Variants in APLF observed in about 807,000 individuals in gnomAD.
The protein encoded by APLF is aprataxin and PNK-like factor.
APLF carries 61 observed loss-of-function variants against 55.6 expected under a neutral mutation model. The observed-to-expected ratio is 1.10, with a 90% CI of 0.89 to 1.36. The LOEUF (loss-of-function observed/expected upper bound fraction) is 1.36, where lower values mean the gene tolerates loss of function less well. Among genes scored for constraint, APLF ranks in the 40% most tolerant of loss-of-function variants. The pLI is 0.00. For synonymous variants in APLF, 207 were observed against 214.8 expected, an observed-to-expected ratio of 0.96 and a Z score of 0.32; for missense variants, 611 against 602.5, an observed-to-expected ratio of 1.01 and a Z score of -0.15.
chr2:68,536,714 A>C (rs1349653028), intron 6 of APLF, among the ~76,000 whole-genome samples: 1 of 152,194 alleles, frequency 6.6e-6, no homozygotes, highest in Non-Finnish European at 1.5e-5. Context: ...TCAAAACTTT[A>C]TTAAGACAAA....
chr2:68,536,395 T>G (rs1670387408), intron 6 of APLF, among the ~76,000 whole-genome samples: 1 of 152,200 alleles, frequency 6.6e-6, no homozygotes, highest in African/African-American at 2.4e-5. Context: ...CTATTGAATA[T>G]TAGGTCATGT....
chr2:68,509,971 A>G (rs1313344885), intron 3 of APLF, among the ~76,000 whole-genome samples: 2 of 151,326 alleles, frequency 1.3e-5, no homozygotes, highest in Non-Finnish European at 3.0e-5. Flanking sequence ...CGCAAGGACA[A>G]AAAACCAAAC....
intron 9 of APLF, among the ~76,000 whole-genome samples, chr2:68,572,889 T>C (rs910720002): frequency 1.1e-4 from 17 of 152,144 alleles, no homozygotes; most frequent in African/African-American, 3.9e-4. Context: ...TTTTTCTCCA[T>C]GCAAAATCAA....
Position 68,512,525 on chromosome 2 carries a change from A to G in APLF, c.342-555A>G, listed in dbSNP as rs563792574. 4.6e-5 allele frequency among the ~76,000 whole-genome samples: 7 copies of G among 151,930 alleles called. No homozygotes were observed. In the East Asian group the frequency reaches 7.8e-4, roughly 17 times the overall value. On this transcript the variant is annotated intron_variant, in intron 3 of 9. Transcript: ENST00000303795. ...ACTGCATATTGCAGAAGTATGAGGT[A>G]ATTGGTTCTGCTGGCATGTCCCACA...
intron 9 of APLF, among the ~76,000 whole-genome samples, chr2:68,569,151 C>T (rs1466959449): frequency 2.0e-5 from 3 of 152,050 alleles, no homozygotes; most frequent in African/African-American, 7.2e-5. Context: ...TTCACATATT[C>T]CTTTGTTGAA....
At chr2:68,568,366 A>G (rs1671363204) in intron 9 of APLF, 11 of 942,448 alleles carry the variant, frequency 1.2e-5, no homozygotes, top group Non-Finnish European at 1.4e-5. Flanking sequence ...TGATGAAAGT[A>G]AATGATTTCA....
chr2:68,509,654 ATG>A (rs777509316), intron 3 of APLF, among the ~76,000 whole-genome samples: 6 of 151,966 alleles, frequency 3.9e-5, no homozygotes, highest in Non-Finnish European at 8.8e-5. Context: ...GTGGAAGACA[ATG>A]TGGCGATTCC....
chr2:68,533,575 G>A (rs1670314934), intron 6 of APLF, among the ~76,000 whole-genome samples: 1 of 152,052 alleles, frequency 6.6e-6, no homozygotes, highest in South Asian at 2.1e-4. Context: ...CATGTTTTTG[G>A]TGTCAGCTGG....
At chr2:68,501,034 A>C (rs1483503309) in intron 2 of APLF, among the ~76,000 whole-genome samples, 2 of 152,242 alleles carry the variant, frequency 1.3e-5, no homozygotes, top group Non-Finnish European at 2.9e-5. Flanking sequence ...AATATTGCAT[A>C]AATCACACTG....
chr2:68,565,351 C>T (rs1017897219), intron 8 of APLF, among the ~76,000 whole-genome samples: 2 of 151,906 alleles, frequency 1.3e-5, no homozygotes, highest in Non-Finnish European at 2.9e-5. Flanking sequence ...CCTAGCTGTA[C>T]TCAAGAGGCT....
In APLF at chr2:68,529,249, G is replaced by T. The variant is rs373013891; in HGVS notation, c.804+3007G>T. ...TAAGACACAGCCTCATAAGGGTGCC[G>T]TCCCACCTGCCTGGAAAAGAAGGCC... On this transcript the variant is annotated intron_variant, in intron 6 of 9. Coordinates refer to ENST00000303795, the MANE Select transcript of APLF (RefSeq NM_173545.3). This position sits in a 1 kb window ranked among gnomAD's most constrained non-coding sequence, Gnocchi z 4.4. The T allele has an allele frequency of 1.2e-5, 15 of 1,279,112 alleles. No individual in the cohort carries two copies. Among genetic ancestry groups the T allele is most frequent in the African/African-American group, 1.5e-5 (1 of 66,410 alleles). 79.2% of individuals were successfully genotyped at this position (1,279,112 alleles called of 1,614,324 possible).
intron 1 of APLF, among the ~76,000 whole-genome samples, chr2:68,481,122 G>A (rs1675936898): frequency 6.6e-6 from 1 of 152,136 alleles, no homozygotes; most frequent in Non-Finnish European, 1.5e-5. Flanking sequence ...GGTAATACTG[G>A]CTTCATGTAA....
Position 68,502,755 on chromosome 2 carries a change from C to T in APLF, c.193C>T (p.Gln65Ter). Residue 65 changes from glutamine to a stop codon, truncating the protein, a stop_gained, in exon 3 of 10, where the codon CAG becomes TAG. Coordinates refer to ENST00000303795, the MANE Select transcript of APLF (RefSeq NM_173545.3). LOFTEE classifies it high-confidence loss of function. ...GATACACACAAATCCATGTTTTTACCAGTCTTCAGAGAAGAGTCAGCTCTT... is the reference window on the plus strand; with the variant it reads ...GATACACACAAATCCATGTTTTTACTAGTCTTCAGAGAAGAGTCAGCTCTT... ...KPIHTNPCFY[Q>*]SSEKSQLLPL... is the part of the protein sequence containing the mutation. 1 of 1,536,924 alleles carries T rather than the reference C, an allele frequency of 6.5e-7. No individual in the cohort carries two copies. Among genetic ancestry groups the T allele is most frequent in the Non-Finnish European group, 8.7e-7 (1 of 1,150,376 alleles).
At chr2:68,508,370 G>A (rs1480898527) in intron 3 of APLF, among the ~76,000 whole-genome samples, 1 of 151,792 alleles carries the variant, frequency 6.6e-6, no homozygotes, top group African/African-American at 2.4e-5. Flanking sequence ...GGAAAGAATG[G>A]TCTTTTCAAC....
chr2:68,576,692 A>G (rs560573496), intron 9 of APLF, among the ~76,000 whole-genome samples: 71 of 152,282 alleles, frequency 4.7e-4, no homozygotes, highest in African/African-American at 1.7e-3. Flanking sequence ...GGTTAAAAGG[A>G]CAGATACATT....
rs1013891268 is a variant in APLF at position 68,471,864 on chromosome 2, G to A, written c.96+4037G>A. On this transcript the variant is annotated intron_variant, in intron 1 of 9. Transcript: ENST00000303795. ...AGCCAAATATGAGTGACCATGGCCC[G>A]TGACACAGCCCTCAGGAGGTCCTGA... Among the ~76,000 whole-genome samples, 5 of 152,054 alleles carry A rather than the reference G, an allele frequency of 3.3e-5. No individual in the cohort carries two copies. In the East Asian group the frequency reaches 5.8e-4, roughly 18 times the overall value.
chr2:68,572,097 A>G (rs1343549871), intron 9 of APLF, among the ~76,000 whole-genome samples: 1 of 139,624 alleles, frequency 7.2e-6, no homozygotes, highest in Non-Finnish European at 1.5e-5. Flanking sequence ...AAAGAAAACT[A>G]TTAAGGAGGC....
Position 68,529,340 on chromosome 2 carries a change from G to T in APLF, c.804+3098G>T. On this transcript the variant is annotated intron_variant, in intron 6 of 9. Coordinates refer to ENST00000303795, the MANE Select transcript of APLF (RefSeq NM_173545.3). The surrounding 1 kb of genome is among the most constrained non-coding windows in gnomAD (Gnocchi z 4.4). ...AAAGAGTCCTGGGGCAGGCACAGGT[G>T]CAGGAGCCGCGGGGTGAGCCCGGCC... is the stretch of plus-strand genomic sequence containing the variant. The T allele has an allele frequency of 7.5e-7, 1 of 1,335,144 alleles. No individual in the cohort carries two copies. The highest frequency in any genetic ancestry group is 9.6e-7 in the Non-Finnish European group (1 of 1,043,762). The allele number at this position is 1,335,144 out of a possible 1,614,324, so 82.7% of individuals were successfully genotyped here.
chr2:68,483,408 C>T (rs943072157), intron 1 of APLF, among the ~76,000 whole-genome samples: 1 of 152,178 alleles, frequency 6.6e-6, no homozygotes, highest in Non-Finnish European at 1.5e-5. Context: ...AGGCAGGGTG[C>T]CTTGCACCTC....
Sources: gnomAD v4.1 joint callset for allele counts (sites outside exome capture counted in the v4.1 genomes callset) on GRCh38, gnomAD v4.1.1 for gene constraint, Gnocchi (gnomAD v3.1) non-coding constraint, MANE v1.5 for transcripts, NCBI Gene and HGNC (gene_info 2026-07-23, HGNC 2026-07-21) for gene names.